ANKRD45: variants seen among roughly 807,000 people sequenced by gnomAD.
ANKRD45 encodes the protein ankyrin repeat domain-containing protein 45.
A neutral mutation model predicts 28.1 loss-of-function variants in ANKRD45; 21 were observed. The observed-to-expected ratio is 0.75, with a 90% CI of 0.53 to 1.08. The LOEUF is 1.08. ANKRD45 is among the 50% of genes least tolerant of loss of function. ANKRD45 has a pLI of 0.00. For synonymous variants in ANKRD45, 86 were observed against 103.9 expected, an observed-to-expected ratio of 0.83 and a Z score of 1.05; for missense variants, 261 against 308.7, an observed-to-expected ratio of 0.85 and a Z score of 1.16.
In ANKRD45 at chr1:173,628,728, C is replaced by T. The variant is rs143061558; in HGVS notation, c.497-1569G>A. On this transcript the variant is annotated intron_variant, in intron 3 of 5. Transcript: ENST00000333279. The stretch of plus-strand genomic sequence containing the variant: ...GGAACTTGTTGCCTTTACGGAAGGA[C>T]GCATGCCTGGCTGTATTTGCCAACT... 1.6e-3 allele frequency among the ~76,000 whole-genome samples: 243 copies of T among 152,262 alleles called. 1 individual carries two copies. The highest frequency in any genetic ancestry group is 5.2e-3 in the African/African-American group (215 of 41,558).
chr1:173,615,898 T>G (rs1221967679), intron 5 of ANKRD45, among the ~76,000 whole-genome samples: 1 of 151,970 alleles, frequency 6.6e-6, no homozygotes, highest in Non-Finnish European at 1.5e-5. Context: ...GGTCAAGAGA[T>G]CAAGACCATC....
upstream of ANKRD45, among the ~76,000 whole-genome samples, chr1:173,671,567 A>G (rs926516756): frequency 2.6e-5 from 4 of 152,076 alleles, no homozygotes; most frequent in South Asian, 2.1e-4. Context: ...CCCTAGAAGT[A>G]TGCCACCATA....
chr1:173,610,344 C>T (rs879193429), intron 5 of ANKRD45, 129 bp from the exon 6 acceptor site: 1 of 814,186 alleles, frequency 1.2e-6, no homozygotes, highest in Non-Finnish European at 2.0e-6. Context: ...ACTAATTCAA[C>T]CCTAGTGTTG....
At chr1:173,634,445 G>A (rs987110191) in intron 3 of ANKRD45, among the ~76,000 whole-genome samples, 1 of 151,964 alleles carries the variant, frequency 6.6e-6, no homozygotes, top group African/African-American at 2.4e-5. Context: ...TTAGCACACA[G>A]TCAGCACTCA....
intron 1 of ANKRD45, among the ~76,000 whole-genome samples, chr1:173,665,215 G>A (rs1457906942): frequency 6.6e-6 from 1 of 151,978 alleles, no homozygotes; most frequent in African/African-American, 2.4e-5. Context: ...CATTGCACAG[G>A]CTGGTCTTGA....
At chr1:173,621,785 T>C (rs567189565) in intron 5 of ANKRD45, among the ~76,000 whole-genome samples, 125 of 152,272 alleles carry the variant, frequency 8.2e-4, no homozygotes, top group South Asian at 7.9e-3. Context: ...CTATTCGACA[T>C]AGTATTGGAA....
intron 2 of ANKRD45, 108 bp from the exon 3 acceptor site, chr1:173,647,121 G>A (rs1440684223): frequency 1.0e-5 from 11 of 1,069,952 alleles, no homozygotes; most frequent in Non-Finnish European, 1.5e-5. Flanking sequence ...ATTACTGTGG[G>A]CCAGGCACTA....
intron 3 of ANKRD45, among the ~76,000 whole-genome samples, chr1:173,631,991 T>A (rs1668217675): frequency 6.7e-6 from 1 of 149,802 alleles, no homozygotes; most frequent in African/African-American, 2.5e-5. Flanking sequence ...ATAAAAAAGA[T>A]CAGAACAAAA....
intron 2 of ANKRD45, among the ~76,000 whole-genome samples, chr1:173,656,643 T>A (rs548839838): frequency 6.6e-6 from 1 of 152,310 alleles, no homozygotes; most frequent in South Asian, 2.1e-4. Context: ...CTCTGAAAAT[T>A]TAACAATCAG....
chr1:173,618,812 G>A (rs1235183411), intron 5 of ANKRD45, among the ~76,000 whole-genome samples: 1 of 152,084 alleles, frequency 6.6e-6, no homozygotes, highest in African/African-American at 2.4e-5. Flanking sequence ...TCCATGAGAA[G>A]ATCAACCCCA....
chr1:173,649,667 C>G (rs1001062977), intron 2 of ANKRD45, among the ~76,000 whole-genome samples: 1 of 152,056 alleles, frequency 6.6e-6, no homozygotes, highest in Non-Finnish European at 1.5e-5. Context: ...ATAGACAGAT[C>G]TTTTCCCTTA....
At chr1:173,711,541 T>A in the ANKRD45 span, among the ~76,000 whole-genome samples, 1 of 152,142 alleles carries the variant, frequency 6.6e-6, no homozygotes, top group Admixed American at 6.5e-5. Context: ...AGCAGAGGGG[T>A]GACTTTGAAT....
the ANKRD45 span, among the ~76,000 whole-genome samples, chr1:173,688,299 TCTGA>T: frequency 1.2e-4 from 18 of 152,152 alleles, no homozygotes; most frequent in Non-Finnish European, 1.5e-5. Context: ...TTTCTTTCTC[TCTGA>T]CTTTCTGTCT....
Position 173,627,088 on chromosome 1 carries a change from C to G in ANKRD45, c.568G>C (p.Gly190Arg). ...ACCTTGTCTTCCTTAAGGAGTTTCC[C>G]TGATCCCTTTTCTGTGTCAGTAACA... ...LAVTDTEKGS[G>R]KLLKEDKNTI... The change falls in exon 4 of 6, where the codon GGG becomes CGG. Residue 190 changes from glycine to arginine, a missense_variant. Transcript: ENST00000333279. The G allele has an allele frequency of 6.2e-7, 1 of 1,611,622 alleles. No homozygotes were observed. Among genetic ancestry groups the G allele is most frequent in the Non-Finnish European group, 8.5e-7 (1 of 1,178,520 alleles).
the ANKRD45 span, among the ~76,000 whole-genome samples, chr1:173,704,192 A>G: frequency 6.6e-6 from 1 of 152,172 alleles, no homozygotes; most frequent in Non-Finnish European, 1.5e-5. Context: ...GTTCAGGGAA[A>G]TTTGGGAATT....
At chr1:173,637,641 C>T (rs936099675) in intron 3 of ANKRD45, among the ~76,000 whole-genome samples, 1 of 152,184 alleles carries the variant, frequency 6.6e-6, no homozygotes, top group Non-Finnish European at 1.5e-5. Flanking sequence ...CCCATTCCAG[C>T]CAATGGAAAC....
intron 5 of ANKRD45, among the ~76,000 whole-genome samples, chr1:173,613,683 G>A (rs914644990): frequency 5.2e-5 from 7 of 135,374 alleles, no homozygotes; most frequent in Non-Finnish European, 7.4e-5. Flanking sequence ...CGCCCCGTCC[G>A]GGAGGTTGGG....
chr1:173,617,627 T>G (rs1667520333), intron 5 of ANKRD45, among the ~76,000 whole-genome samples: 1 of 152,174 alleles, frequency 6.6e-6, no homozygotes, highest in South Asian at 2.1e-4. Flanking sequence ...ATAACTCTGA[T>G]CTCTTTTAAG....
the ANKRD45 span, among the ~76,000 whole-genome samples, chr1:173,693,196 A>G: frequency 6.6e-6 from 1 of 152,042 alleles, no homozygotes; most frequent in Non-Finnish European, 1.5e-5. Context: ...GCTACTTGGG[A>G]GGCTGAGGCA....
Sources: allele counts gnomAD v4.1 joint callset (sites outside exome capture counted in the v4.1 genomes callset), GRCh38; gene constraint gnomAD v4.1.1; transcripts MANE v1.5; gene names NCBI Gene and HGNC (gene_info 2026-07-23, HGNC 2026-07-21).